The following NCKAP5 variants were observed in gnomAD, a reference collection of about 807,000 sequenced individuals.
NCKAP5 encodes the protein nck-associated protein 5.
Under a neutral mutation model 167.0 loss-of-function variants are expected in NCKAP5, and 92 were observed. That is an observed-to-expected ratio of 0.55 (90% CI 0.47 to 0.66). The LOEUF is 0.66. NCKAP5 is among the 30% of genes least tolerant of loss of function. The pLI is 0.00. For synonymous variants in NCKAP5, 891 were observed against 877.4 expected, an observed-to-expected ratio of 1.02 and a Z score of -0.27; for missense variants, 2,378 against 2,315.0, an observed-to-expected ratio of 1.03 and a Z score of -0.56.
At chr2:133,091,095 T>C (rs1477752490) in intron 6 of NCKAP5, among the ~76,000 whole-genome samples, 2 of 152,202 alleles carry the variant, frequency 1.3e-5, no homozygotes, top group Admixed American at 6.5e-5. Context: ...TCTGGCCATG[T>C]AAGATGTGCC....
chr2:133,441,227 T>C (rs548717282), intron 3 of NCKAP5, among the ~76,000 whole-genome samples: 2 of 152,240 alleles, frequency 1.3e-5, no homozygotes, highest in South Asian at 2.1e-4. Flanking sequence ...TGTTCTGTCA[T>C]AAGGAGAGAA....
intron 3 of NCKAP5, among the ~76,000 whole-genome samples, chr2:133,349,752 T>C (rs1163600504): frequency 6.6e-6 from 1 of 152,158 alleles, no homozygotes; most frequent in Non-Finnish European, 1.5e-5. Flanking sequence ...GTTTTATGTC[T>C]TAAATATCTC....
chr2:132,812,520 A>T (rs1207489256), intron 11 of NCKAP5, among the ~76,000 whole-genome samples: 1 of 152,158 alleles, frequency 6.6e-6, no homozygotes, highest in Non-Finnish European at 1.5e-5. Context: ...GGGTACAATG[A>T]TGAACAAGCA....
chr2:133,191,568 C>G (rs1256743511), intron 5 of NCKAP5, among the ~76,000 whole-genome samples: 1 of 152,146 alleles, frequency 6.6e-6, no homozygotes, highest in Non-Finnish European at 1.5e-5. Flanking sequence ...CACATATACA[C>G]CATGGAATAC....
rs143502016 is a variant in NCKAP5 at position 133,502,373 on chromosome 2, G to A, written c.69+15085C>T. Among the ~76,000 whole-genome samples the A allele has an allele frequency of 8.7e-3, 1,323 of 152,260 alleles. 6 individuals are homozygous for A. Among genetic ancestry groups the A allele is most frequent in the Non-Finnish European group, 0.014 (928 of 68,024 alleles). On this transcript the variant is annotated intron_variant, in intron 3 of 19. Transcript: ENST00000409261. ...ACGAATGGTGGCTGATTTCCAAGGG[G>A]CTGAAAGAGTGGAGAGAACATTGGA...
At chr2:133,094,660 T>A (rs890720612) in intron 6 of NCKAP5, among the ~76,000 whole-genome samples, 1 of 152,210 alleles carries the variant, frequency 6.6e-6, no homozygotes, top group African/African-American at 2.4e-5. Flanking sequence ...ACCCTGATTA[T>A]GTTATGAGAC....
chr2:132,797,546 C>A lies in NCKAP5; in HGVS notation c.808-817G>T, dbSNP rs1033133412. On this transcript the variant is annotated intron_variant, in intron 11 of 19. Coordinates refer to ENST00000409261, the MANE Select transcript of NCKAP5 (RefSeq NM_207363.3). The stretch of plus-strand genomic sequence containing the variant: ...CTTATAGCCTGGTTTGTCTTGGTTA[C>A]AACTTTTGTGGCTCCAGATGCTAAA... Among the ~76,000 whole-genome samples, 10 of 152,274 alleles carry A rather than the reference C, an allele frequency of 6.6e-5. No homozygotes were observed. In the South Asian group the frequency reaches 2.1e-3, roughly 32 times the overall value.
chr2:133,611,765 C>T, the NCKAP5 span, among the ~76,000 whole-genome samples: 3 of 152,142 alleles, frequency 2.0e-5, no homozygotes, highest in African/African-American at 7.2e-5. Context: ...CCAAAACATT[C>T]TCTCCCCTAT....
the NCKAP5 span, among the ~76,000 whole-genome samples, chr2:133,645,087 A>G: frequency 6.6e-6 from 1 of 152,210 alleles, no homozygotes; most frequent in Non-Finnish European, 1.5e-5. Context: ...GATGTCAATC[A>G]AAAGTGGAAT....
chr2:132,954,899 C>T (rs2076294747), intron 8 of NCKAP5: 1 of 315,104 alleles, frequency 3.2e-6, no homozygotes, highest in South Asian at 2.6e-5. Context: ...ACTTCAAGCC[C>T]CTTTACCAAA....
intron 4 of NCKAP5, among the ~76,000 whole-genome samples, chr2:133,290,690 T>C (rs1478881928): frequency 4.0e-5 from 6 of 151,206 alleles, no homozygotes; most frequent in South Asian, 2.1e-4. Flanking sequence ...AAAGGTGGTC[T>C]CATCCCTAAT....
At chr2:133,398,520 A>G (rs182488159) in intron 3 of NCKAP5, among the ~76,000 whole-genome samples, 1 of 152,348 alleles carries the variant, frequency 6.6e-6, no homozygotes. Flanking sequence ...ACAAAATATT[A>G]ATAGCAATCT....
chr2:133,626,302 C>G, the NCKAP5 span, among the ~76,000 whole-genome samples: 2 of 152,122 alleles, frequency 1.3e-5, no homozygotes, highest in African/African-American at 4.8e-5. Context: ...AAAATTGAAT[C>G]TGAGTCTGAT....
At chr2:132,778,272 G>A (rs1396619750) in intron 15 of NCKAP5, among the ~76,000 whole-genome samples, 1 of 151,966 alleles carries the variant, frequency 6.6e-6, no homozygotes, top group Non-Finnish European at 1.5e-5. Context: ...AACAATGGCA[G>A]AAATGGGGAT....
At chr2:133,181,454 G>T (rs1484931179) in intron 5 of NCKAP5, among the ~76,000 whole-genome samples, 1 of 151,882 alleles carries the variant, frequency 6.6e-6, no homozygotes, top group African/African-American at 2.4e-5. Context: ...TGACAGACTT[G>T]AATTGTAATA....
chr2:132,900,633 T>C (rs1693547468), intron 8 of NCKAP5, among the ~76,000 whole-genome samples: 1 of 152,154 alleles, frequency 6.6e-6, no homozygotes, highest in Non-Finnish European at 1.5e-5. Context: ...CACATAATTT[T>C]ATAGAGTATG....
chr2:133,084,506 A>AT (rs2080916540), intron 6 of NCKAP5, among the ~76,000 whole-genome samples: 1 of 152,154 alleles, frequency 6.6e-6, no homozygotes. Flanking sequence ...TGACACATAT[A>AT]TGGTGGGCTT....
intron 6 of NCKAP5, among the ~76,000 whole-genome samples, chr2:133,127,839 C>T (rs535380792): frequency 2.0e-5 from 3 of 152,176 alleles, no homozygotes; most frequent in Admixed American, 2.0e-4. Context: ...AATGAAAAAT[C>T]GAGCATAAGG....
chr2:132,900,459 CA>C (rs1166959614), intron 8 of NCKAP5, among the ~76,000 whole-genome samples: 1 of 151,962 alleles, frequency 6.6e-6, no homozygotes, highest in East Asian at 1.9e-4. Flanking sequence ...CACATACAAC[CA>C]CACACACACA....
Sources: allele counts gnomAD v4.1 joint callset (sites outside exome capture counted in the v4.1 genomes callset), GRCh38; gene constraint gnomAD v4.1.1; transcripts MANE v1.5; gene names NCBI Gene and HGNC (gene_info 2026-07-23, HGNC 2026-07-21).